MAEA: variants seen among roughly 807,000 people sequenced by gnomAD.
The protein encoded by MAEA is E3 ubiquitin-protein transferase MAEA.
A neutral mutation model predicts 46.2 loss-of-function variants in MAEA; 22 were observed. That is an observed-to-expected ratio of 0.48 (90% CI 0.34 to 0.68). The LOEUF (loss-of-function observed/expected upper bound fraction) is 0.68. MAEA is among the 30% of genes least tolerant of loss of function. MAEA has a pLI of 0.01. For synonymous variants in MAEA, 246 were observed against 222.6 expected, an observed-to-expected ratio of 1.11 and a Z score of -0.94; for missense variants, 393 against 558.1, an observed-to-expected ratio of 0.70 and a Z score of 2.98.
chr4:1,300,690 A>C (rs1035569063), intron 1 of MAEA, among the ~76,000 whole-genome samples: 1 of 152,238 alleles, frequency 6.6e-6, no homozygotes, highest in African/African-American at 2.4e-5. Context: ...AGGTTCCTGC[A>C]AGGAAGTGGC....
At chr4:1,339,044 C>A in intron 8 of MAEA, 30 bp from the exon 9 acceptor site, 2 of 1,535,830 alleles carry the variant, frequency 1.3e-6, no homozygotes, top group Non-Finnish European at 1.8e-6. Flanking sequence ...TAGTCGCTTG[C>A]CTTAATGCAT....
chr4:1,306,702 G>A (rs1206920360), intron 1 of MAEA, among the ~76,000 whole-genome samples: 1 of 152,154 alleles, frequency 6.6e-6, no homozygotes, highest in Non-Finnish European at 1.5e-5. Context: ...ATTTTGATAA[G>A]GTTCAGAGGA....
chr4:1,330,328 C>CTCTCT (rs1577226687), intron 5 of MAEA: 11 of 159,656 alleles, frequency 6.9e-5, no homozygotes, highest in South Asian at 2.0e-4. Flanking sequence ...CTCTCTCTTT[C>CTCTCT]CGTGTGTGTG....
intron 1 of MAEA, among the ~76,000 whole-genome samples, chr4:1,308,623 G>A (rs1013870556): frequency 1.3e-5 from 2 of 152,372 alleles, no homozygotes; most frequent in East Asian, 1.9e-4. Context: ...CGGGCACGAG[G>A]TGATGCCTCA....
intron 3 of MAEA, among the ~76,000 whole-genome samples, chr4:1,321,334 CGCT>C (rs1738069146): frequency 1.3e-5 from 2 of 150,668 alleles, no homozygotes; most frequent in African/African-American, 2.4e-5. Context: ...TGCAAGAAAA[CGCT>C]ATGAAGGGGT....
Position 1,338,420 on chromosome 4 carries a change from A to AAG in MAEA, c.900-2_900-1insAG. The AAG allele has an allele frequency of 6.2e-7, 1 of 1,607,696 alleles. No individual in the cohort carries two copies. The highest frequency in any genetic ancestry group is 8.5e-7 in the Non-Finnish European group (1 of 1,175,780). ...CCAACCCTTCCTTGACCCGATGCTC[A>AAG]GACAGTGCTACAAGGAGGACGGCAG... is the stretch of plus-strand genomic sequence containing the variant. On this transcript the variant is annotated splice_acceptor_variant, in intron 7 of 8. Coordinates refer to ENST00000303400, the MANE Select transcript of MAEA (RefSeq NM_001017405.3). LOFTEE classifies it high-confidence loss of function.
rs1712851519 is a variant in MAEA at position 1,336,985 on chromosome 4, T to C, written c.890T>C (p.Ile297Thr). ...TLTLQAGLSAIKTPQCYKEDG... is the reference protein window; with the variant it reads ...TLTLQAGLSATKTPQCYKEDG... Reference sequence around the variant, plus strand: ...ACCCTGCAGGCTGGCCTCTCAGCCATCAAGACACCGTATCCTACCTCCCGT... The same window carrying C: ...ACCCTGCAGGCTGGCCTCTCAGCCACCAAGACACCGTATCCTACCTCCCGT... The change falls in exon 7 of 9, where the codon ATC (isoleucine) becomes ACC (threonine). Residue 297 changes from isoleucine to threonine, a missense_variant. Around this residue, in one of 2 missense-constraint regions of MAEA, gnomAD observed 358 missense variants for 537.9 expected, o/e 0.67. Transcript: ENST00000303400. 1 of 1,613,928 alleles carries C rather than the reference T, an allele frequency of 6.2e-7. No homozygotes were observed.
chr4:1,297,710 C>T (rs1440543410), intron 1 of MAEA, among the ~76,000 whole-genome samples: 2 of 152,218 alleles, frequency 1.3e-5, no homozygotes, highest in Admixed American at 6.5e-5. Flanking sequence ...GTCACACCCA[C>T]GAGTGCCTGG....
At chr4:1,302,920 G>C (rs1195535147) in intron 1 of MAEA, among the ~76,000 whole-genome samples, 1 of 152,112 alleles carries the variant, frequency 6.6e-6, no homozygotes, top group Non-Finnish European at 1.5e-5. Context: ...CCACCAGAAG[G>C]GCTGTAGCAA....
At chr4:1,304,723 AC>A (rs1355573727) in intron 1 of MAEA, among the ~76,000 whole-genome samples, 2 of 152,096 alleles carry the variant, frequency 1.3e-5, no homozygotes, top group African/African-American at 4.8e-5. Flanking sequence ...ACAGGCATGA[AC>A]CACCACGCCC....
intron 4 of MAEA, among the ~76,000 whole-genome samples, chr4:1,325,476 A>G (rs989705363): frequency 2.0e-5 from 3 of 152,190 alleles, no homozygotes; most frequent in African/African-American, 7.2e-5. Context: ...GGACCAATTG[A>G]AAGTAACCTA....
chr4:1,298,483 C>A (rs1735001383), intron 1 of MAEA, among the ~76,000 whole-genome samples: 2 of 152,234 alleles, frequency 1.3e-5, no homozygotes, highest in African/African-American at 4.8e-5. Context: ...TCTGTCTGAG[C>A]CAGCCCTGCC....
At chr4:1,336,616 G>C (rs779763410) in intron 6 of MAEA, among the ~76,000 whole-genome samples, 2 of 152,162 alleles carry the variant, frequency 1.3e-5, no homozygotes, top group Non-Finnish European at 2.9e-5. Flanking sequence ...GTTGAAATCA[G>C]AGTTAAGTCA....
intron 1 of MAEA, chr4:1,309,512 AG>A: frequency 1.5e-6 from 2 of 1,348,070 alleles, no homozygotes; most frequent in Non-Finnish European, 1.9e-6. Context: ...GCCCTGCTGG[AG>A]GGAGAGGGGG....
intron 1 of MAEA, among the ~76,000 whole-genome samples, chr4:1,297,681 G>A (rs995363710): frequency 3.3e-5 from 5 of 152,188 alleles, no homozygotes; most frequent in Non-Finnish European, 5.9e-5. Context: ...GGCACGGGCC[G>A]TCCTTTGTCG....
intron 1 of MAEA, among the ~76,000 whole-genome samples, chr4:1,310,336 T>G (rs1736335594): frequency 6.6e-6 from 1 of 152,138 alleles, no homozygotes; most frequent in African/African-American, 2.4e-5. Flanking sequence ...ATCCACTAGA[T>G]GTAGAGCAGA....
chr4:1,330,475 C>T (rs1284198062), intron 5 of MAEA: 1 of 125,224 alleles, frequency 8.0e-6, no homozygotes, highest in Non-Finnish European at 1.9e-5. Context: ...CACCACCACG[C>T]CCGGCTAATT....
intron 3 of MAEA, among the ~76,000 whole-genome samples, chr4:1,318,126 C>T (rs994021822): frequency 1.3e-5 from 2 of 152,084 alleles, no homozygotes; most frequent in South Asian, 2.1e-4. Flanking sequence ...CCCCAATGCA[C>T]AGGCCCTCGC....
chr4:1,335,132 A>C (rs909836381), intron 6 of MAEA: 1 of 985,200 alleles, frequency 1.0e-6, no homozygotes, highest in African/African-American at 1.7e-5. Context: ...TCTAAACCTG[A>C]GGTTATTTAG....
Sources: allele counts gnomAD v4.1 joint callset (sites outside exome capture counted in the v4.1 genomes callset), GRCh38; gene constraint gnomAD v4.1.1; regional missense constraint gnomAD v4.1.1; transcripts MANE v1.5; gene names NCBI Gene and HGNC (gene_info 2026-07-23, HGNC 2026-07-21).